The following SLC15A5 variants were observed in gnomAD, a reference collection of about 807,000 sequenced individuals.
The protein encoded by SLC15A5 is Peptide/histidine transporter ENSP00000340402.
A neutral mutation model predicts 56.1 loss-of-function variants in SLC15A5; 58 were observed. That is an observed-to-expected ratio of 1.03 (90% confidence interval 0.84 to 1.29). The LOEUF (loss-of-function observed/expected upper bound fraction) is 1.29, where lower values mean the gene tolerates loss of function less well. Ranked by LOEUF, SLC15A5 falls within the 50% of genes most tolerant of loss-of-function variation. SLC15A5 has a pLI of 0.00. For synonymous variants in SLC15A5, 264 were observed against 250.5 expected (o/e 1.05, Z -0.51); for missense variants, 681 against 672.1 (o/e 1.01, Z -0.15).
intron 3 of SLC15A5, 44 bp from the exon 4 acceptor site, chr12:16,244,844 C>A (rs202067980): frequency 2.7e-6 from 4 of 1,506,116 alleles, no homozygotes; most frequent in East Asian, 4.9e-5. Flanking sequence ...AGGAATTGTT[C>A]TCCAGTTTTT....
chr12:16,253,999 C>A (rs1462076025), intron 3 of SLC15A5, among the ~76,000 whole-genome samples: 3 of 152,112 alleles, frequency 2.0e-5, no homozygotes, highest in African/African-American at 7.2e-5. Context: ...TTCATCTCAG[C>A]ATTATTTATA....
At chr12:16,223,743 G>A (rs2136249266) in intron 6 of SLC15A5, among the ~76,000 whole-genome samples, 1 of 150,424 alleles carries the variant, frequency 6.6e-6, no homozygotes, top group East Asian at 2.0e-4. Flanking sequence ...TTGAGATGGA[G>A]TCTCACTCTG....
At chr12:16,263,387 A>G (rs1864661824) in intron 2 of SLC15A5, among the ~76,000 whole-genome samples, 1 of 152,192 alleles carries the variant, frequency 6.6e-6, no homozygotes, top group Admixed American at 6.5e-5. Context: ...TAAGCAGCAA[A>G]GCATTCAAGC....
In SLC15A5 at chr12:16,240,870, T is replaced by G. The variant is rs1016702694; in HGVS notation, c.976-1003A>C. Among the ~76,000 whole-genome samples, 3 of 152,090 alleles carry G rather than the reference T, an allele frequency of 2.0e-5. No homozygotes were observed. The South Asian group carries it at 6.2e-4, about 32-fold the overall frequency. ...CTCTGTCACCCAGGCTGGAGTGCAGTGGTGTGATCTCGGCTCACGGCAAGC... is the reference window on the plus strand; with the variant it reads ...CTCTGTCACCCAGGCTGGAGTGCAGGGGTGTGATCTCGGCTCACGGCAAGC... On this transcript the variant is annotated intron_variant, in intron 4 of 8. Coordinates refer to ENST00000344941, the MANE Select transcript of SLC15A5 (RefSeq NM_001170798.1).
intron 7 of SLC15A5, among the ~76,000 whole-genome samples, chr12:16,207,292 A>G (rs1864029236): frequency 6.6e-6 from 1 of 152,204 alleles, no homozygotes; most frequent in African/African-American, 2.4e-5. Context: ...AATTACATGG[A>G]TATAACAACA....
At position 16,224,578 on chromosome 12, in the gene SLC15A5, A is replaced by G; in HGVS notation, c.1187T>C (p.Leu396Ser). ...CIIAGNLFAA[L>S]SVMIAGFFEI... ...AAAGAAGCCAGCTATCATCACAGAC[A>G]ATGCAGCAAAAAGATTTCCAGCAAC... Residue 396 changes from leucine to serine, a missense_variant, in exon 6 of 9, where the codon TTG becomes TCG. By Grantham distance (145) the Leu-to-Ser change is moderately radical (BLOSUM62 -2). Transcript: ENST00000344941. 1 of 1,532,958 alleles carries G rather than the reference A, an allele frequency of 6.5e-7. No homozygotes were observed. Among genetic ancestry groups the G allele is most frequent in the South Asian group, 1.2e-5 (1 of 83,332 alleles). The allele number at this position is 1,532,958 out of a possible 1,614,324, so 95.0% of individuals were successfully genotyped here.
At chr12:16,275,151 G>A (rs769383874) in intron 1 of SLC15A5, among the ~76,000 whole-genome samples, 2 of 152,012 alleles carry the variant, frequency 1.3e-5, no homozygotes, top group Admixed American at 6.6e-5. Context: ...TATGGGTGTG[G>A]TTGAACACAG....
intron 6 of SLC15A5, 62 bp downstream of exon 6, chr12:16,224,352 G>C: frequency 1.4e-6 from 2 of 1,434,286 alleles, no homozygotes; most frequent in Non-Finnish European, 1.9e-6. Flanking sequence ...TCTGGTTGAG[G>C]TGATGTGTTC....
chr12:16,245,489 A>G (rs1189723633), intron 3 of SLC15A5, among the ~76,000 whole-genome samples: 1 of 152,164 alleles, frequency 6.6e-6, no homozygotes, highest in African/African-American at 2.4e-5. Flanking sequence ...ACTTACTGCT[A>G]GTGATTTGCA....
chr12:16,263,620 C>T (rs2136814653), intron 2 of SLC15A5, among the ~76,000 whole-genome samples: 1 of 152,308 alleles, frequency 6.6e-6, no homozygotes, highest in Non-Finnish European at 1.5e-5. Flanking sequence ...GTCTTCATGG[C>T]AACCCCTGCC....
At chr12:16,262,854 A>G (rs1478811293) in intron 2 of SLC15A5, among the ~76,000 whole-genome samples, 1 of 152,204 alleles carries the variant, frequency 6.6e-6, no homozygotes, top group Non-Finnish European at 1.5e-5. Context: ...GCCTGCTGCC[A>G]TCTATATAAG....
chr12:16,190,485 T>C (rs1173538136), intron 8 of SLC15A5, among the ~76,000 whole-genome samples: 1 of 152,202 alleles, frequency 6.6e-6, no homozygotes, highest in African/African-American at 2.4e-5. Context: ...CAAATTACTT[T>C]CTTAAACACT....
At chr12:16,222,630 G>T (rs897956060) in intron 6 of SLC15A5, among the ~76,000 whole-genome samples, 1 of 152,184 alleles carries the variant, frequency 6.6e-6, no homozygotes, top group African/African-American at 2.4e-5. Context: ...AAGTGACTTA[G>T]ACCTCAGTTA....
rs1025056157 is a variant in SLC15A5 at position 16,257,700 on chromosome 12, C to A, written c.754+1G>T. The A allele has an allele frequency of 4.1e-6, 6 of 1,454,696 alleles. No homozygotes were observed. Among genetic ancestry groups the A allele is most frequent in the Non-Finnish European group, 5.4e-6 (6 of 1,112,034 alleles). 90.1% of individuals were successfully genotyped at this position (1,454,696 alleles called of 1,614,324 possible). ...ATCAATGTAACGCATAATTTACTTA[C>A]GTTTTTCTGACTGATAAATTAGGTT... is the stretch of plus-strand genomic sequence containing the variant. On this transcript the variant is annotated splice_donor_variant, in intron 3 of 8. Coordinates refer to ENST00000344941, the MANE Select transcript of SLC15A5 (RefSeq NM_001170798.1). LOFTEE classifies it high-confidence loss of function.
intron 5 of SLC15A5, among the ~76,000 whole-genome samples, chr12:16,229,531 A>G (rs982973018): frequency 6.6e-6 from 1 of 151,934 alleles, no homozygotes; most frequent in Non-Finnish European, 1.5e-5. Context: ...CATTTTTACC[A>G]TGTGTTTCAA....
In SLC15A5 at chr12:16,239,724, C is replaced by T. The variant is rs59559871; in HGVS notation, c.1119G>A (p.Leu373=). 2.7e-3 allele frequency: 4,110 copies of T among 1,537,312 alleles called. 87 individuals carry two copies. In the African/African-American group the frequency reaches 0.046, roughly 17 times the overall value. The stretch of plus-strand genomic sequence containing the variant: ...ATGATCCAACTCTCTTAGAGGGAAA[C>T]AGGCAGGTGCTGAAATACTCCAGAA... ...APFLEYFSTC[L]FPSKRVGSFL... Residue 373 remains leucine, a synonymous_variant, in exon 5 of 9, where the codon CTG becomes CTA. Transcript: ENST00000344941.
intron 5 of SLC15A5, among the ~76,000 whole-genome samples, chr12:16,232,969 GAAA>G (rs1864312656): frequency 8.0e-6 from 1 of 125,464 alleles, no homozygotes; most frequent in Non-Finnish European, 1.7e-5. Flanking sequence ...AGGAAAGAAA[GAAA>G]GAAGAAAGAG....
chr12:16,240,394 C>G (rs975010427), intron 4 of SLC15A5, among the ~76,000 whole-genome samples: 3 of 151,836 alleles, frequency 2.0e-5, no homozygotes, highest in African/African-American at 4.8e-5. Flanking sequence ...TGTAGGCTGT[C>G]TTTGAGGGGG....
rs1419365134 is a variant in SLC15A5, at chr12:16,224,701, CTTTT to C, written c.1163-103_1163-100del. 4 of 1,177,480 alleles carry C rather than the reference CTTTT, an allele frequency of 3.4e-6. No individual in the cohort carries two copies. In the African/African-American group the frequency reaches 4.7e-5, roughly 14 times the overall value. 72.9% of individuals were successfully genotyped at this position (1,177,480 alleles called of 1,614,324 possible). ...TCTTACCCATTGACATTAGATGTTT[CTTTT>C]TTGTTTGTTTGTTTTTATTTTTTTT... On this transcript the variant is annotated intron_variant, in intron 5 of 8. Coordinates refer to ENST00000344941, the MANE Select transcript of SLC15A5 (RefSeq NM_001170798.1).
Sources: gnomAD v4.1 joint callset for allele counts (sites outside exome capture counted in the v4.1 genomes callset) on GRCh38, gnomAD v4.1.1 for gene constraint, MANE v1.5 for transcripts, NCBI Gene and HGNC (gene_info 2026-07-23, HGNC 2026-07-21) for gene names.